Variants in PCDHA10 observed in about 807,000 individuals in gnomAD.
PCDHA10 encodes protocadherin alpha-10.
A neutral mutation model predicts 61.2 loss-of-function variants in PCDHA10; 45 were observed. The ratio of observed to expected loss-of-function variants is 0.74; its 90% CI spans 0.58 to 0.94. PCDHA10 has a LOEUF of 0.94. Ranked by LOEUF, PCDHA10 falls within the 40% of genes least tolerant of loss-of-function variation. The pLI is 0.00. For missense variants in PCDHA10, 1,278 were observed against 1,236.2 expected (o/e 1.03, Z -0.51); for synonymous variants, 602 against 548.8 (o/e 1.10, Z -1.35).
At chr5:140,883,927 G>A (rs781895204) in intron 1 of PCDHA10, 2 of 1,613,456 alleles carry the variant, frequency 1.2e-6, no homozygotes, top group South Asian at 1.1e-5. Flanking sequence ...CGCTGCAGGT[G>A]TTCGTGCTGG....
chr5:140,871,610 T>C (rs2053222652), intron 1 of PCDHA10: 1 of 1,429,404 alleles, frequency 7.0e-7, no homozygotes, highest in South Asian at 1.5e-5. Context: ...GTTTTGAATA[T>C]TGTTTTAGAT....
At chr5:140,922,255 A>C (rs1415394722) in intron 1 of PCDHA10, among the ~76,000 whole-genome samples, 2 of 152,256 alleles carry the variant, frequency 1.3e-5, no homozygotes, top group Non-Finnish European at 2.9e-5. Flanking sequence ...ATAAGTTACT[A>C]AGTGCCATGA....
At position 140,982,438 on chromosome 5, in the gene PCDHA10, T is replaced by C. The variant is rs782761318; in HGVS notation, c.2448-37T>C. On this transcript the variant is annotated intron_variant, in intron 2 of 3. Coordinates refer to ENST00000307360, the MANE Select transcript of PCDHA10 (RefSeq NM_018901.4). ...GGAAGAAGAGATGGGAAAGAATTTA[T>C]GATCTAACCGTTATCTGGGTCTGTG... is the stretch of plus-strand genomic sequence containing the variant. The C allele has an allele frequency of 3.1e-6, 5 of 1,611,448 alleles. No individual in the cohort carries two copies. The South Asian group carries it at 5.5e-5, about 18-fold the overall frequency.
At chr5:140,975,068 C>T (rs1273763502) in intron 1 of PCDHA10, among the ~76,000 whole-genome samples, 4 of 152,134 alleles carry the variant, frequency 2.6e-5, no homozygotes, top group African/African-American at 9.7e-5. Flanking sequence ...CGAGCTCATT[C>T]AGATTGTTGG....
At chr5:140,866,021 G>A (rs2049106478) in intron 1 of PCDHA10, 1 of 152,210 alleles carries the variant, frequency 6.6e-6, no homozygotes, top group Middle Eastern at 3.4e-3. Flanking sequence ...TTTCTTGTAA[G>A]AGTTCGTGAT....
intron 1 of PCDHA10, chr5:140,869,203 T>C: frequency 6.2e-7 from 1 of 1,614,000 alleles, no homozygotes; most frequent in Non-Finnish European, 8.5e-7. Flanking sequence ...GCTCCACTAC[T>C]CCGTCTCGGA....
At chr5:140,873,631 A>G (rs2054392579) in intron 1 of PCDHA10, among the ~76,000 whole-genome samples, 1 of 152,222 alleles carries the variant, frequency 6.6e-6, no homozygotes, top group Non-Finnish European at 1.5e-5. Flanking sequence ...TTTAGGTCAA[A>G]GAGTATGTGA....
chr5:140,897,762 A>C (rs572488219), intron 1 of PCDHA10, among the ~76,000 whole-genome samples: 15 of 152,204 alleles, frequency 9.9e-5, no homozygotes, highest in African/African-American at 2.7e-4. Context: ...AGGAATCGCC[A>C]CACTGACTTC....
At chr5:140,861,849 T>G (rs2047107514) in intron 1 of PCDHA10, 1 of 156,218 alleles carries the variant, frequency 6.4e-6, no homozygotes, top group Non-Finnish European at 1.4e-5. Flanking sequence ...CTACTCTTGG[T>G]GCTCAAAGCA....
At chr5:140,929,768 C>T (rs534287991) in intron 1 of PCDHA10, 1 of 175,482 alleles carries the variant, frequency 5.7e-6, no homozygotes, top group South Asian at 2.0e-4. Context: ...ACGATAACCA[C>T]AAAAGATGTA....
intron 1 of PCDHA10, among the ~76,000 whole-genome samples, chr5:140,898,214 T>C (rs1285649893): frequency 1.3e-5 from 2 of 152,238 alleles, no homozygotes; most frequent in African/African-American, 4.8e-5. Flanking sequence ...TTTGTCAATT[T>C]TGGCTTTTGT....
chr5:140,877,218 G>C (rs781819579), intron 1 of PCDHA10: 1 of 1,613,726 alleles, frequency 6.2e-7, no homozygotes, highest in South Asian at 1.1e-5. Context: ...AGTTGGTACC[G>C]CGGTCGGTGG....
Position 140,871,268 on chromosome 5 carries a change from G to T in PCDHA10, c.2388+12832G>T, listed in dbSNP as rs368729446. ...CTGCTGCTGTATACGGCGCTGTGGTGGTCGGCAACGCCCACTGAGGGCGCG... is the reference window on the plus strand; with the variant it reads ...CTGCTGCTGTATACGGCGCTGTGGTTGTCGGCAACGCCCACTGAGGGCGCG... On this transcript the variant is annotated intron_variant, in intron 1 of 3. Transcript: ENST00000307360. 53 of 1,613,850 alleles carry T rather than the reference G, an allele frequency of 3.3e-5. No homozygotes were observed. The African/African-American group carries it at 6.7e-4, about 20-fold the overall frequency.
At chr5:140,876,843 G>A (rs1554169011) in intron 1 of PCDHA10, 3 of 1,614,128 alleles carry the variant, frequency 1.9e-6, no homozygotes, top group East Asian at 2.2e-5. Flanking sequence ...CGTTCGCGCA[G>A]CCCGAGTACA....
chr5:141,006,338 A>G (rs1201287903), intron 3 of PCDHA10, among the ~76,000 whole-genome samples: 13 of 151,820 alleles, frequency 8.6e-5, no homozygotes, highest in African/African-American at 3.1e-4. Flanking sequence ...CAGCCTCCTG[A>G]GTAGCTGGGA....
At chr5:140,988,698 A>G (rs1563551697) in intron 3 of PCDHA10, among the ~76,000 whole-genome samples, 1 of 152,116 alleles carries the variant, frequency 6.6e-6, no homozygotes, top group East Asian at 1.9e-4. Context: ...GACGCTCTGT[A>G]TTTTCTTGGA....
At chr5:140,895,653 A>G (rs1247218282) in intron 1 of PCDHA10, among the ~76,000 whole-genome samples, 1 of 152,150 alleles carries the variant, frequency 6.6e-6, no homozygotes, top group Non-Finnish European at 1.5e-5. Flanking sequence ...GCTCCCACTT[A>G]TAAGTGAGAA....
intron 1 of PCDHA10, among the ~76,000 whole-genome samples, chr5:140,912,832 TA>T (rs1188685241): frequency 1.3e-5 from 2 of 152,202 alleles, no homozygotes; most frequent in African/African-American, 2.4e-5. Context: ...TGAATTTTAT[TA>T]AATGCTTTTT....
chr5:140,929,470 T>G (rs1554207109), intron 1 of PCDHA10: 3 of 1,296,742 alleles, frequency 2.3e-6, no homozygotes, highest in Admixed American at 2.9e-5. Context: ...CCAAGAAATC[T>G]GGAAGTATAG....
Sources: gnomAD v4.1 joint callset for allele counts (sites outside exome capture counted in the v4.1 genomes callset) on GRCh38, gnomAD v4.1.1 for gene constraint, MANE v1.5 for transcripts, NCBI Gene and HGNC (gene_info 2026-07-23, HGNC 2026-07-21) for gene names.